The following INVS variants were observed in gnomAD, a reference collection of about 807,000 sequenced individuals.
INVS encodes inversion of embryo turning homolog.
INVS carries 86 observed loss-of-function variants against 108.8 expected under a neutral mutation model. The observed-to-expected ratio is 0.79, with a 90% CI of 0.66 to 0.95. INVS has a LOEUF of 0.95. Ranked by LOEUF, INVS falls within the 40% of genes least tolerant of loss-of-function variation. INVS has a pLI of 0.00. For missense variants in INVS, 1,169 were observed against 1,297.4 expected, an observed-to-expected ratio of 0.90 and a Z score of 1.52; for synonymous variants, 455 against 473.5, an observed-to-expected ratio of 0.96 and a Z score of 0.51.
rs1187585912 is a variant in INVS, at chr9:100,137,272, G to A, written c.273+10723G>A. On this transcript the variant is annotated intron_variant, in intron 3 of 16. Transcript: ENST00000262457. ...TTTTGTCCCTAAAGCAGGGGAGACTGGATAGGAAAGGAAACCTTAGGAATA... is the reference window on the plus strand; with the variant it reads ...TTTTGTCCCTAAAGCAGGGGAGACTAGATAGGAAAGGAAACCTTAGGAATA... 5.3e-5 allele frequency among the ~76,000 whole-genome samples: 8 copies of A among 152,108 alleles called. No homozygotes were observed. The East Asian group carries it at 9.6e-4, about 18-fold the overall frequency.
At chr9:100,144,146 C>T (rs1160297626) in intron 3 of INVS, among the ~76,000 whole-genome samples, 2 of 152,046 alleles carry the variant, frequency 1.3e-5, no homozygotes, top group Non-Finnish European at 2.9e-5. Flanking sequence ...GCCAGATGTC[C>T]GGCACTTGTA....
chr9:100,287,896 G>A (rs1194705851), intron 13 of INVS, among the ~76,000 whole-genome samples: 1 of 152,092 alleles, frequency 6.6e-6, no homozygotes, highest in African/African-American at 2.4e-5. Flanking sequence ...TGAAGTCTAG[G>A]ATTTTAAGAC....
chr9:100,232,735 C>T (rs1194258388), intron 5 of INVS, among the ~76,000 whole-genome samples: 2 of 152,074 alleles, frequency 1.3e-5, no homozygotes, highest in African/African-American at 2.4e-5. Flanking sequence ...GTACAAGTAC[C>T]ATGCTGTTTT....
chr9:100,253,288 T>C, intron 10 of INVS, 152 bp downstream of exon 10: 2 of 630,960 alleles, frequency 3.2e-6, no homozygotes, highest in Non-Finnish European at 5.5e-6. Context: ...CCATGTTCTC[T>C]TCCAGTCTTT....
Position 100,107,038 on chromosome 9 carries a change from C to T in INVS, c.106+2411C>T, listed in dbSNP as rs556235263. 7.9e-5 allele frequency among the ~76,000 whole-genome samples: 12 copies of T among 152,304 alleles called. No individual in the cohort carries two copies. The South Asian group carries it at 2.5e-3, about 32-fold the overall frequency. ...GGGCCAGCTGTACCCATTGTCCACACTTATTTACCTTAATTCACTCTTTTA... is the reference window on the plus strand; with the variant it reads ...GGGCCAGCTGTACCCATTGTCCACATTTATTTACCTTAATTCACTCTTTTA... On this transcript the variant is annotated intron_variant, in intron 2 of 16. Transcript: ENST00000262457.
Position 100,242,780 on chromosome 9 carries a change from G to A in INVS, c.906+101G>A. The A allele has an allele frequency of 4.0e-6, 3 of 751,646 alleles. No individual in the cohort carries two copies. The South Asian group carries it at 4.3e-5, about 11-fold the overall frequency. 46.6% of individuals were successfully genotyped at this position (751,646 alleles called of 1,614,324 possible). On this transcript the variant is annotated intron_variant, in intron 7 of 16. Coordinates refer to ENST00000262457, the MANE Select transcript of INVS (RefSeq NM_014425.5). ...TTGTAGGAAATAATACAACAAGATT[G>A]CATGTACCCTTCACCTAGTTCACTC...
rs1351418236 is a variant in INVS at position 100,292,451 on chromosome 9, G to A, written c.2194G>A (p.Asp732Asn). 5 of 1,614,146 alleles carry A rather than the reference G, an allele frequency of 3.1e-6. No individual in the cohort carries two copies. The highest frequency in any genetic ancestry group is 1.7e-5 in the Admixed American group (1 of 60,018). Residue 732 changes from aspartate (D) to asparagine (N), a missense_variant, in exon 14 of 17, where the codon GAT (aspartate) becomes AAT (asparagine). This residue lies in a region of INVS where 533 missense variants were observed against 536.0 expected (regional missense o/e 0.99). Transcript: ENST00000262457. Reference protein sequence around the residue: ...VEKSRGETAGDERCAKGKGFV... With the variant: ...VEKSRGETAGNERCAKGKGFV... ...GAAGTCCAGAGGTGAGACAGCTGGC[G>A]ATGAGCGGTGTGCAAAGGGGAAAGG...
chr9:100,274,566 A>G (rs2787384), intron 12 of INVS, among the ~76,000 whole-genome samples: 79,461 of 152,084 alleles, frequency 0.52, 21,675 homozygotes, highest in African/African-American at 0.57. Flanking sequence ...GTACAGTGGC[A>G]TGATCGCCAC....
At chr9:100,175,193 G>C in intron 3 of INVS, 1 of 522,696 alleles carries the variant, frequency 1.9e-6, no homozygotes. Flanking sequence ...TGTGCATCCA[G>C]CTTGTCCCCA....
intron 3 of INVS, among the ~76,000 whole-genome samples, chr9:100,149,520 G>T (rs1588040438): frequency 6.6e-6 from 1 of 152,122 alleles, no homozygotes; most frequent in Non-Finnish European, 1.5e-5. Context: ...AGCATTGTTT[G>T]TGTTCTTCCA....
At chr9:100,216,803 G>A (rs145684355) in intron 3 of INVS, among the ~76,000 whole-genome samples, 1 of 152,250 alleles carries the variant, frequency 6.6e-6, no homozygotes, top group East Asian at 1.9e-4. Flanking sequence ...CCTGCCCAGA[G>A]GAAGGTGAGC....
chr9:100,224,144 C>T (rs1262831740), intron 3 of INVS, among the ~76,000 whole-genome samples: 1 of 152,194 alleles, frequency 6.6e-6, no homozygotes, highest in Non-Finnish European at 1.5e-5. Context: ...CACGTGCAAG[C>T]CAGGTGCCGC....
intron 8 of INVS, among the ~76,000 whole-genome samples, chr9:100,247,546 T>A (rs1323733186): frequency 6.6e-6 from 1 of 152,060 alleles, no homozygotes; most frequent in Non-Finnish European, 1.5e-5. Context: ...TCCATGTTAT[T>A]TTTTTTATTT....
intron 3 of INVS, among the ~76,000 whole-genome samples, chr9:100,221,546 A>G (rs1235780443): frequency 6.6e-6 from 1 of 152,074 alleles, no homozygotes; most frequent in Non-Finnish European, 1.5e-5. Context: ...CTTCATAGAT[A>G]ATATCTGATG....
rs1833933620 is a variant in INVS at position 100,300,504 on chromosome 9, G to C, written c.3092-64G>C. The C allele has an allele frequency of 3.6e-6, 4 of 1,122,012 alleles. No homozygotes were observed. In the South Asian group the frequency reaches 3.8e-5, roughly 11 times the overall value. 69.5% of individuals were successfully genotyped at this position (1,122,012 alleles called of 1,614,324 possible). ...GAAATCCTTCTTCCTCAACACCAAT[G>C]AACTATTCCCTTCAGCCTTAAAATT... is the stretch of plus-strand genomic sequence containing the variant. On this transcript the variant is annotated intron_variant, in intron 16 of 16. Transcript: ENST00000262457.
intron 8 of INVS, among the ~76,000 whole-genome samples, chr9:100,247,349 T>C (rs1417778297): frequency 6.6e-6 from 1 of 152,184 alleles, no homozygotes; most frequent in Non-Finnish European, 1.5e-5. Flanking sequence ...CTTCTTTTAA[T>C]TTCTTTCTCT....
chr9:100,238,081 G>A (rs1296443730), intron 5 of INVS, among the ~76,000 whole-genome samples: 1 of 152,010 alleles, frequency 6.6e-6, no homozygotes, highest in Non-Finnish European at 1.5e-5. Context: ...GTTTCACCAT[G>A]TTGGCCAGAC....
chr9:100,240,365 C>A (rs970159693), intron 6 of INVS, 125 bp downstream of exon 6: 4 of 669,178 alleles, frequency 6.0e-6, no homozygotes, highest in Non-Finnish European at 1.1e-5. Flanking sequence ...TGATATGTTG[C>A]ATTGTTTTAT....
intron 8 of INVS, among the ~76,000 whole-genome samples, chr9:100,248,115 G>T (rs1181655420): frequency 6.6e-6 from 1 of 152,124 alleles, no homozygotes. Flanking sequence ...ACCGTGCCCG[G>T]CCAGCAGATC....
Sources: gnomAD v4.1 joint callset for allele counts (sites outside exome capture counted in the v4.1 genomes callset) on GRCh38, gnomAD v4.1.1 for gene constraint, gnomAD v4.1.1 regional missense constraint, MANE v1.5 for transcripts, NCBI Gene and HGNC (gene_info 2026-07-23, HGNC 2026-07-21) for gene names.